ZMAT4: variants seen among roughly 807,000 people sequenced by gnomAD.
ZMAT4 encodes zinc finger matrin-type protein 4.
A neutral mutation model predicts 28.7 loss-of-function variants in ZMAT4; 17 were observed. That is an observed-to-expected ratio of 0.59 (90% CI 0.41 to 0.89). The LOEUF is 0.89. Among genes scored for constraint, ZMAT4 ranks in the 40% least tolerant of loss-of-function variants. ZMAT4 has a pLI of 0.00. For missense variants in ZMAT4, 240 were observed against 283.8 expected (o/e 0.85, Z 1.11); for synonymous variants, 117 against 109.2 (o/e 1.07, Z -0.44).
chr8:40,770,860 A>C (rs1010336386), intron 2 of ZMAT4, among the ~76,000 whole-genome samples: 1 of 152,046 alleles, frequency 6.6e-6, no homozygotes, highest in African/African-American at 2.4e-5. Context: ...ACTCTGAGAC[A>C]CTTACAGTGT....
intron 3 of ZMAT4, among the ~76,000 whole-genome samples, chr8:40,738,756 A>G (rs1811879809): frequency 6.6e-6 from 1 of 152,202 alleles, no homozygotes. Flanking sequence ...GCCCCTGTCA[A>G]CATTTAATCT....
rs149956295 is a variant in ZMAT4 at position 40,552,417 on chromosome 8, T to C, written c.675-20179A>G. ...TCCCCAGTTGGTCCCCTTCCCTTATTCCTACTATCCAAGTCTTTATGTCCT... is the reference window on the plus strand; with the variant it reads ...TCCCCAGTTGGTCCCCTTCCCTTATCCCTACTATCCAAGTCTTTATGTCCT... On this transcript the variant is annotated intron_variant, in intron 6 of 6. Coordinates refer to ENST00000297737, the MANE Select transcript of ZMAT4 (RefSeq NM_024645.3). Among the ~76,000 whole-genome samples the C allele has an allele frequency of 5.9e-4, 90 of 152,264 alleles. 2 individuals carry two copies. The East Asian group carries it at 0.015, about 25-fold the overall frequency.
intron 1 of ZMAT4, among the ~76,000 whole-genome samples, chr8:40,863,758 T>G (rs1817581984): frequency 6.6e-6 from 1 of 152,154 alleles, no homozygotes; most frequent in Admixed American, 6.5e-5. Context: ...TTAATTAGAA[T>G]AGTTAACTTT....
chr8:40,784,247 G>A (rs1813968580), intron 2 of ZMAT4, among the ~76,000 whole-genome samples: 1 of 152,110 alleles, frequency 6.6e-6, no homozygotes, highest in South Asian at 2.1e-4. Flanking sequence ...GGATTAATTA[G>A]TAATGCAAAC....
chr8:40,872,489 T>G (rs1450758408), intron 1 of ZMAT4, among the ~76,000 whole-genome samples: 1 of 152,194 alleles, frequency 6.6e-6, no homozygotes, highest in Non-Finnish European at 1.5e-5. Context: ...GCCACCAGTG[T>G]GCTCTCAAAG....
chr8:40,633,223 C>T (rs974910946), intron 5 of ZMAT4, among the ~76,000 whole-genome samples: 15 of 152,038 alleles, frequency 9.9e-5, no homozygotes, highest in Non-Finnish European at 1.9e-4. Context: ...TTTCAAAATC[C>T]CTTTGTTTTT....
At chr8:40,608,351 T>G (rs1184489797) in intron 5 of ZMAT4, among the ~76,000 whole-genome samples, 2 of 151,852 alleles carry the variant, frequency 1.3e-5, no homozygotes, top group Non-Finnish European at 2.9e-5. Flanking sequence ...CAATGGAAAA[T>G]GGGGGAAAGC....
intron 3 of ZMAT4, among the ~76,000 whole-genome samples, chr8:40,709,131 T>TTTAAA (rs1810493585): frequency 6.6e-6 from 1 of 152,204 alleles, no homozygotes; most frequent in African/African-American, 2.4e-5. Flanking sequence ...ACATGCATCC[T>TTTAAA]CCTGTAGACT....
chr8:40,713,948 A>AAAAGAT (rs1438122278), intron 3 of ZMAT4, among the ~76,000 whole-genome samples: 1 of 151,056 alleles, frequency 6.6e-6, no homozygotes, highest in Non-Finnish European at 1.5e-5. Flanking sequence ...AAGAAAAAGA[A>AAAAGAT]AAAGAAAAAA....
At chr8:40,747,564 C>T (rs1812290840) in intron 3 of ZMAT4, among the ~76,000 whole-genome samples, 1 of 151,618 alleles carries the variant, frequency 6.6e-6, no homozygotes, top group South Asian at 2.1e-4. Flanking sequence ...TAGCAGAAAA[C>T]TCATGCCCAG....
At chr8:40,738,284 A>T (rs866054661) in intron 3 of ZMAT4, among the ~76,000 whole-genome samples, 4 of 152,220 alleles carry the variant, frequency 2.6e-5, no homozygotes, top group Middle Eastern at 6.8e-3. Context: ...TGAGAAAATG[A>T]CTCTGCTTTG....
At chr8:40,634,803 C>T (rs558543603) in intron 5 of ZMAT4, among the ~76,000 whole-genome samples, 5 of 152,226 alleles carry the variant, frequency 3.3e-5, no homozygotes, top group Non-Finnish European at 7.4e-5. Context: ...TGTATAAAAG[C>T]GTCTAAAGAA....
chr8:40,567,246 G>T lies in ZMAT4; in HGVS notation c.674+13919C>A, dbSNP rs1290213150. 3.3e-5 allele frequency among the ~76,000 whole-genome samples: 5 copies of T among 152,202 alleles called. No individual in the cohort carries two copies. In the East Asian group the frequency reaches 5.8e-4, roughly 18 times the overall value. Reference sequence around the variant, plus strand: ...GTATTTGACTACTCGGCATGAAATGGACTGAGATTTTTCTGTTACTCTAAA... The same window carrying T: ...GTATTTGACTACTCGGCATGAAATGTACTGAGATTTTTCTGTTACTCTAAA... On this transcript the variant is annotated intron_variant, in intron 6 of 6. Transcript: ENST00000297737.
At chr8:40,883,829 G>A (rs1222376600) in intron 1 of ZMAT4, among the ~76,000 whole-genome samples, 2 of 151,958 alleles carry the variant, frequency 1.3e-5, no homozygotes, top group Non-Finnish European at 2.9e-5. Context: ...TCAATCCTAC[G>A]AGAGCTACCT....
intron 5 of ZMAT4, among the ~76,000 whole-genome samples, chr8:40,613,356 T>C (rs1238258215): frequency 2.0e-5 from 3 of 151,466 alleles, no homozygotes; most frequent in Non-Finnish European, 4.4e-5. Flanking sequence ...CTAATATTTT[T>C]TGTATTTTTA....
intron 3 of ZMAT4, among the ~76,000 whole-genome samples, chr8:40,707,281 C>T (rs1161892102): frequency 7.1e-6 from 1 of 141,364 alleles, no homozygotes; most frequent in Non-Finnish European, 1.5e-5. Context: ...CATTGAAACT[C>T]AATTATTTGG....
chr8:40,585,708 G>T (rs764665190), intron 5 of ZMAT4, among the ~76,000 whole-genome samples: 1 of 152,126 alleles, frequency 6.6e-6, no homozygotes. Context: ...ATCACTACCA[G>T]TGTGTGAGTT....
At chr8:40,858,877 T>C (rs1817391608) in intron 1 of ZMAT4, among the ~76,000 whole-genome samples, 1 of 152,132 alleles carries the variant, frequency 6.6e-6, no homozygotes, top group Admixed American at 6.5e-5. Flanking sequence ...GTCTTTGCCA[T>C]TCCCTGGGAG....
intron 5 of ZMAT4, among the ~76,000 whole-genome samples, chr8:40,661,416 T>C (rs1041862423): frequency 1.3e-5 from 2 of 152,178 alleles, no homozygotes; most frequent in African/African-American, 4.8e-5. Context: ...TATTAAATAT[T>C]AGTCAAAATG....
Sources: gnomAD v4.1 joint callset for allele counts (sites outside exome capture counted in the v4.1 genomes callset) on GRCh38, gnomAD v4.1.1 for gene constraint, MANE v1.5 for transcripts, NCBI Gene and HGNC (gene_info 2026-07-23, HGNC 2026-07-21) for gene names.